The following FHDC1 variants were observed in gnomAD, a reference collection of about 807,000 sequenced individuals.
The protein encoded by FHDC1 is FH2 domain-containing protein 1.
In FHDC1, 25 loss-of-function variants were observed where a neutral mutation model predicts 52.6. The observed-to-expected ratio is 0.48, with a 90% CI of 0.35 to 0.66. FHDC1 has a LOEUF of 0.66. FHDC1 is among the 30% of genes least tolerant of loss of function. The pLI, the probability that FHDC1 is intolerant of heterozygous loss-of-function variation, is 0.01. For missense variants in FHDC1, 1,459 were observed against 1,452.8 expected (o/e 1.00, Z -0.07); for synonymous variants, 616 against 581.5 (o/e 1.06, Z -0.85).
intron 10 of FHDC1, 60 bp from the exon 11 acceptor site, chr4:152,972,317 C>A: frequency 6.6e-7 from 1 of 1,512,114 alleles, no homozygotes; most frequent in Non-Finnish European, 8.8e-7. Context: ...GGATGCAGTG[C>A]CCAGCGCCGC....
chr4:152,963,769 G>GTTTTTTTTTTTT lies in FHDC1; in HGVS notation c.1029+662_1029+673dup, dbSNP rs58783965. ...GGAGTCTGATCCTATCCATTGCTTT[G>GTTTTTTTTTTTT]TTTTTTTTTTTTTTTTTTTTTTTTT... is the stretch of plus-strand genomic sequence containing the variant. On this transcript the variant is annotated intron_variant, in intron 8 of 11. Coordinates refer to ENST00000511601, the MANE Select transcript of FHDC1 (RefSeq NM_001371116.1). Among the ~76,000 whole-genome samples, 18 of 51,802 alleles carry GTTTTTTTTTTTT rather than the reference G, an allele frequency of 3.5e-4. 1 individual carries two copies. Among genetic ancestry groups the GTTTTTTTTTTTT allele is most frequent in the African/African-American group, 5.8e-4 (9 of 15,446 alleles). 34.0% of individuals were successfully genotyped at this position (51,802 alleles called of 152,430 possible).
intron 10 of FHDC1, among the ~76,000 whole-genome samples, chr4:152,971,758 A>T (rs1297695112): frequency 6.6e-6 from 1 of 152,200 alleles, no homozygotes; most frequent in East Asian, 1.9e-4. Context: ...GGTCCACCCC[A>T]AACCTGTGAA....
the FHDC1 span, among the ~76,000 whole-genome samples, chr4:152,915,937 A>G: frequency 6.6e-6 from 1 of 152,190 alleles, no homozygotes; most frequent in Non-Finnish European, 1.5e-5. Context: ...AATGAGATAT[A>G]AATTATACAG....
intron 10 of FHDC1, among the ~76,000 whole-genome samples, chr4:152,971,561 C>T (rs539622682): frequency 1.2e-4 from 18 of 152,186 alleles, no homozygotes; most frequent in Non-Finnish European, 2.5e-4. Flanking sequence ...AAACAAGCTT[C>T]CTTTCTTCCC....
In FHDC1 at chr4:152,957,889, T is replaced by A. The variant is rs1740149566; in HGVS notation, c.664-2676T>A. 2.0e-5 allele frequency among the ~76,000 whole-genome samples: 3 copies of A among 152,044 alleles called. No homozygotes were observed. In the South Asian group the frequency reaches 6.2e-4, roughly 31 times the overall value. On this transcript the variant is annotated intron_variant, in intron 4 of 11. Coordinates refer to ENST00000511601, the MANE Select transcript of FHDC1 (RefSeq NM_001371116.1). Reference sequence around the variant, plus strand: ...AAATGAAACTCTGGGAGTGTGTTCTTGTCCAGCACGGAGTTCCCAAGCCAG... The same window carrying A: ...AAATGAAACTCTGGGAGTGTGTTCTAGTCCAGCACGGAGTTCCCAAGCCAG...
chr4:152,971,141 G>A (rs1476311768), intron 10 of FHDC1, among the ~76,000 whole-genome samples: 1 of 152,160 alleles, frequency 6.6e-6, no homozygotes, highest in Non-Finnish European at 1.5e-5. Flanking sequence ...AGGCTGAGGT[G>A]GGAGGATGGC....
intron 2 of FHDC1, among the ~76,000 whole-genome samples, chr4:152,949,484 A>T (rs1361980736): frequency 6.6e-6 from 1 of 152,194 alleles, no homozygotes; most frequent in Non-Finnish European, 1.5e-5. Flanking sequence ...TGTCTCTAAA[A>T]AAATAAATAA....
intron 4 of FHDC1, among the ~76,000 whole-genome samples, chr4:152,955,847 C>T (rs1360904455): frequency 6.6e-6 from 1 of 152,180 alleles, no homozygotes; most frequent in African/African-American, 2.4e-5. Context: ...TCTGACTTCT[C>T]CCTCCCCTTT....
the FHDC1 span, among the ~76,000 whole-genome samples, chr4:152,930,615 C>A: frequency 6.6e-6 from 1 of 152,162 alleles, no homozygotes; most frequent in Non-Finnish European, 1.5e-5. Flanking sequence ...GTGTCCAAGG[C>A]CAGTCAAAAC....
At chr4:152,962,706 A>G (rs1157596347) in intron 6 of FHDC1, 108 bp from the exon 7 acceptor site, 3 of 829,776 alleles carry the variant, frequency 3.6e-6, no homozygotes, top group Non-Finnish European at 6.1e-6. Context: ...ATACAGTTTA[A>G]GGTCACAGTT....
At position 152,976,366 on chromosome 4, in the gene FHDC1, C is replaced by A; in HGVS notation, c.3075C>A (p.Val1025=). 6.2e-7 allele frequency: 1 copy of A among 1,613,812 alleles called. No individual in the cohort carries two copies. The highest frequency in any genetic ancestry group is 8.5e-7 in the Non-Finnish European group (1 of 1,180,016). ...EEPKTPSVPS[V]PHELPRVPSF... is the part of the protein sequence containing the mutation. ...CCAAGACCCCGTCAGTGCCCAGCGT[C>A]CCCCACGAACTACCCCGTGTCCCGA... Residue 1025 remains valine, a synonymous_variant, in exon 12 of 12, where the codon GTC becomes GTA. Coordinates refer to ENST00000511601, the MANE Select transcript of FHDC1 (RefSeq NM_001371116.1).
chr4:152,911,614 A>AT, the FHDC1 span: 1 of 152,536 alleles, frequency 6.6e-6, no homozygotes, highest in African/African-American at 2.4e-5. Context: ...CTGTGTTGAA[A>AT]TGAAGTACTT....
At chr4:152,965,951 C>T (rs1419297570) in intron 9 of FHDC1, among the ~76,000 whole-genome samples, 1 of 152,178 alleles carries the variant, frequency 6.6e-6, no homozygotes, top group Non-Finnish European at 1.5e-5. Context: ...AATATCTAGC[C>T]ACAGATTACA....
chr4:152,940,670 T>C (rs1369025280), intron 1 of FHDC1, among the ~76,000 whole-genome samples: 2 of 152,250 alleles, frequency 1.3e-5, no homozygotes, highest in African/African-American at 4.8e-5. Context: ...TTTGAGCTTA[T>C]CACCATTCTT....
In FHDC1 at chr4:152,976,040, T is replaced by C; in HGVS notation, c.2749T>C (p.Trp917Arg). The C allele has an allele frequency of 6.4e-7, 1 of 1,573,466 alleles. No individual in the cohort carries two copies. Among genetic ancestry groups the C allele is most frequent in the Non-Finnish European group, 8.6e-7 (1 of 1,163,794 alleles). The change falls in exon 12 of 12, where the codon TGG becomes CGG. Residue 917 changes from tryptophan to arginine, a missense_variant. Trp to Arg is a moderately radical substitution (Grantham distance 101, BLOSUM62 -3). This residue lies in a region of FHDC1 where 939 missense variants were observed against 854.5 expected (regional missense o/e 1.10). Transcript: ENST00000511601. Reference protein sequence around the residue: ...PITKSSRGAGWRRPELSSRGP... With the variant: ...PITKSSRGAGRRRPELSSRGP... Reference sequence around the variant, plus strand: ...CACCAAGTCCAGCAGAGGCGCCGGCTGGAGGCGACCAGAGCTGTCATCCCG... The same window carrying C: ...CACCAAGTCCAGCAGAGGCGCCGGCCGGAGGCGACCAGAGCTGTCATCCCG...
At chr4:152,932,078 C>T (rs1739263440), upstream of FHDC1, among the ~76,000 whole-genome samples, 1 of 150,572 alleles carries the variant, frequency 6.6e-6, no homozygotes, top group Non-Finnish European at 1.5e-5. Context: ...ATTTAAATTT[C>T]TTAGCCTTCA....
upstream of FHDC1, among the ~76,000 whole-genome samples, chr4:152,934,320 G>C (rs1382133592): frequency 6.6e-6 from 1 of 152,162 alleles, no homozygotes; most frequent in Non-Finnish European, 1.5e-5. Flanking sequence ...GGGAGGTGGT[G>C]GGTGTGGGAA....
chr4:152,973,892 G>T (rs920567036), intron 11 of FHDC1, among the ~76,000 whole-genome samples: 4 of 152,222 alleles, frequency 2.6e-5, no homozygotes, highest in African/African-American at 9.6e-5. Flanking sequence ...GAAGGGCTGG[G>T]TTCTCTGGAG....
chr4:152,948,398 G>T (rs941104354), intron 2 of FHDC1, among the ~76,000 whole-genome samples: 6 of 152,218 alleles, frequency 3.9e-5, no homozygotes, highest in Admixed American at 3.9e-4. Context: ...CATAGAGACA[G>T]AAAGTAGAAT....
Sources: allele counts gnomAD v4.1 joint callset (sites outside exome capture counted in the v4.1 genomes callset), GRCh38; gene constraint gnomAD v4.1.1; regional missense constraint gnomAD v4.1.1; transcripts MANE v1.5; gene names NCBI Gene and HGNC (gene_info 2026-07-23, HGNC 2026-07-21).